The following ANKRD6 variants were observed in gnomAD, a reference collection of about 807,000 sequenced individuals.
ANKRD6 encodes ankyrin repeat domain 6, also known as ankyrin repeat domain-containing protein 6.
Under a neutral mutation model 82.3 loss-of-function variants are expected in ANKRD6, and 56 were observed. The observed-to-expected ratio is 0.68, with a 90% confidence interval of 0.55 to 0.85. ANKRD6 has a LOEUF of 0.85. Ranked by LOEUF, ANKRD6 falls within the 40% of genes least tolerant of loss-of-function variation. The pLI is 0.00. For missense variants in ANKRD6, 852 were observed against 907.6 expected, an observed-to-expected ratio of 0.94 and a Z score of 0.79; for synonymous variants, 347 against 352.1, an observed-to-expected ratio of 0.99 and a Z score of 0.16.
In ANKRD6 at chr6:89,596,490, T is replaced by C. The variant is rs574193117; in HGVS notation, c.219+476T>C. On this transcript the variant is annotated intron_variant, in intron 3 of 15. Transcript: ENST00000339746. ...TGGTCAGTGAATATGACATGGAAAA[T>C]GATCTATTCAAGTTGGGGAGTTGGG... 2.0e-3 allele frequency among the ~76,000 whole-genome samples: 303 copies of C among 152,282 alleles called. 2 individuals carry two copies. The highest frequency in any genetic ancestry group is 3.4e-3 in the Middle Eastern group (1 of 294).
At chr6:89,453,321 T>C (rs775066016) in intron 1 of ANKRD6, among the ~76,000 whole-genome samples, 2 of 152,220 alleles carry the variant, frequency 1.3e-5, no homozygotes, top group Non-Finnish European at 2.9e-5. Context: ...TATAATTGTA[T>C]AGGGAAATGA....
intron 1 of ANKRD6, among the ~76,000 whole-genome samples, chr6:89,489,165 A>G (rs1037420273): frequency 6.6e-6 from 1 of 152,166 alleles, no homozygotes; most frequent in East Asian, 1.9e-4. Context: ...TGGGCAGGAA[A>G]TCAAGGCAGA....
intron 11 of ANKRD6, 101 bp from the exon 12 acceptor site, chr6:89,623,771 T>C (rs1206816062): frequency 9.6e-6 from 13 of 1,355,140 alleles, no homozygotes; most frequent in African/African-American, 1.5e-5. Context: ...TGAAACAAAG[T>C]GGGGCTCTTT....
chr6:89,560,885 A>C (rs1459024364), intron 1 of ANKRD6: 2 of 152,252 alleles, frequency 1.3e-5, no homozygotes, highest in Non-Finnish European at 2.9e-5. Flanking sequence ...CATCTTGTCT[A>C]GGGCAAGGCA....
At chr6:89,606,792 GTT>G (rs1272363446) in intron 5 of ANKRD6, among the ~76,000 whole-genome samples, 1 of 149,294 alleles carries the variant, frequency 6.7e-6, no homozygotes, top group African/African-American at 2.5e-5. Context: ...GGAAGCAGAG[GTT>G]ACAGTGAGCC....
Position 89,613,848 on chromosome 6 carries a change from G to A in ANKRD6, c.573G>A (p.Arg191=). The change falls in exon 7 of 16, where the codon AGG becomes AGA. Residue 191 remains arginine (R), a synonymous_variant. Coordinates refer to ENST00000339746, the MANE Select transcript of ANKRD6 (RefSeq NM_001242809.2). ...AARYNHLSII[R]LLLTAFCSVH... is the part of the protein sequence containing the mutation. ...GCTATAATCACTTGTCCATCATTAG[G>A]CTCCTCCTCACTGCTTTCTGTTCTG... The A allele has an allele frequency of 6.2e-7, 1 of 1,613,972 alleles. No homozygotes were observed.
intron 1 of ANKRD6, among the ~76,000 whole-genome samples, chr6:89,502,741 A>G (rs1475539290): frequency 6.6e-6 from 1 of 152,204 alleles, no homozygotes; most frequent in Non-Finnish European, 1.5e-5. Context: ...CATTATGATA[A>G]TAGCTATGGA....
chr6:89,578,542 C>T (rs974313083), intron 2 of ANKRD6, among the ~76,000 whole-genome samples: 4 of 152,102 alleles, frequency 2.6e-5, no homozygotes, highest in African/African-American at 7.2e-5. Flanking sequence ...GTGATCTGCC[C>T]GCCTTGGCCT....
At chr6:89,541,160 A>G (rs1784407098) in intron 1 of ANKRD6, among the ~76,000 whole-genome samples, 1 of 151,884 alleles carries the variant, frequency 6.6e-6, no homozygotes, top group Non-Finnish European at 1.5e-5. Flanking sequence ...TATTTCTGTG[A>G]AGAACGTCAT....
At chr6:89,580,027 GC>G (rs1209927179) in intron 2 of ANKRD6, among the ~76,000 whole-genome samples, 1 of 152,130 alleles carries the variant, frequency 6.6e-6, no homozygotes, top group Non-Finnish European at 1.5e-5. Context: ...ATTGCTAGGG[GC>G]TGGAGATGGT....
In ANKRD6 at chr6:89,627,645, C is replaced by T. The variant is rs969074145; in HGVS notation, c.1434C>T (p.Asn478=). The T allele has an allele frequency of 3.1e-6, 5 of 1,613,818 alleles. No homozygotes were observed. In the East Asian group the frequency reaches 1.1e-4, roughly 36 times the overall value. ...RLSAERTECL[N]RLQQHSDTEK... The stretch of plus-strand genomic sequence containing the variant: ...CTGCAGAGAGGACGGAGTGCCTGAA[C>T]CGCCTGCAACAGCACTCAGACACAG... The change falls in exon 14 of 16, where the codon AAC becomes AAT. Residue 478 remains asparagine (N), a synonymous_variant. Transcript: ENST00000339746.
chr6:89,612,319 G>A lies in ANKRD6; in HGVS notation c.465G>A (p.Gln155=). The change falls in exon 6 of 16, where the codon CAG becomes CAA. Residue 155 remains glutamine, a synonymous_variant. Coordinates refer to ENST00000339746, the MANE Select transcript of ANKRD6 (RefSeq NM_001242809.2). ...LHLACQNSHS[Q]STRVLLLAGS... Reference sequence around the variant, plus strand: ...TGGCCTGCCAGAACAGCCACTCCCAGAGCACGCGCGTCCTCCTGCTGGCCG... The same window carrying A: ...TGGCCTGCCAGAACAGCCACTCCCAAAGCACGCGCGTCCTCCTGCTGGCCG... The A allele has an allele frequency of 6.4e-7, 1 of 1,566,366 alleles. No homozygotes were observed. Among genetic ancestry groups the A allele is most frequent in the Non-Finnish European group, 8.7e-7 (1 of 1,154,832 alleles).
chr6:89,602,893 C>T (rs1797565494), intron 3 of ANKRD6, 136 bp from the exon 4 acceptor site: 1 of 663,632 alleles, frequency 1.5e-6, no homozygotes, highest in South Asian at 2.0e-5. Flanking sequence ...CCTGTGGTAA[C>T]CAAGCCCTTC....
chr6:89,598,152 C>T (rs2128160499), intron 3 of ANKRD6: 1 of 985,336 alleles, frequency 1.0e-6, no homozygotes, highest in African/African-American at 1.7e-5. Context: ...CCTCCAGTGG[C>T]CTGGAGTGGG....
intron 1 of ANKRD6, among the ~76,000 whole-genome samples, chr6:89,510,454 G>A (rs1780399208): frequency 6.6e-6 from 1 of 151,860 alleles, no homozygotes. Flanking sequence ...CTGGTACTGT[G>A]GCAATAGCAT....
intron 5 of ANKRD6, among the ~76,000 whole-genome samples, chr6:89,606,439 G>T (rs753179105): frequency 4.6e-5 from 7 of 152,056 alleles, no homozygotes; most frequent in Non-Finnish European, 1.0e-4. Flanking sequence ...ATCAGCAAAA[G>T]AACTTTAAAA....
chr6:89,485,905 CAACTCTTAAT>C (rs1172429243), intron 1 of ANKRD6, among the ~76,000 whole-genome samples: 1 of 152,194 alleles, frequency 6.6e-6, no homozygotes, highest in Non-Finnish European at 1.5e-5. Context: ...TGCATATATA[CAACTCTTAAT>C]AACTACAGTG....
chr6:89,482,563 A>C (rs544756540), intron 1 of ANKRD6, among the ~76,000 whole-genome samples: 11 of 152,000 alleles, frequency 7.2e-5, no homozygotes, highest in African/African-American at 2.7e-4. Flanking sequence ...TTCTCCCAGC[A>C]CCCACTACGT....
chr6:89,441,378 C>T (rs1351292385), intron 1 of ANKRD6, among the ~76,000 whole-genome samples: 1 of 152,214 alleles, frequency 6.6e-6, no homozygotes, highest in East Asian at 1.9e-4. Context: ...ATCTGGAGCT[C>T]CTGACCTCAA....
Sources: gnomAD v4.1 joint callset for allele counts (sites outside exome capture counted in the v4.1 genomes callset) on GRCh38, gnomAD v4.1.1 for gene constraint, MANE v1.5 for transcripts, NCBI Gene and HGNC (gene_info 2026-07-23, HGNC 2026-07-21) for gene names.